Variants in ZC3H12B observed in about 807,000 individuals in gnomAD.
ZC3H12B encodes the protein probable ribonuclease ZC3H12B.
A neutral mutation model predicts 43.9 loss-of-function variants in ZC3H12B; 7 were observed. The observed-to-expected ratio is 0.16, with a 90% confidence interval of 0.09 to 0.30. The LOEUF (loss-of-function observed/expected upper bound fraction) is 0.30. Ranked by LOEUF, ZC3H12B falls within the 10% of genes least tolerant of loss-of-function variation. ZC3H12B has a pLI of 1.00. For synonymous variants in ZC3H12B, 222 were observed against 241.7 expected, an observed-to-expected ratio of 0.92 and a Z score of 0.76; for missense variants, 475 against 670.2, an observed-to-expected ratio of 0.71 and a Z score of 3.22.
chrX:65,078,276 G>A, the ZC3H12B span, among the ~76,000 whole-genome samples: 754 of 112,287 alleles, frequency 6.7e-3, 9 homozygotes, highest in African/African-American at 0.023. Flanking sequence ...AAATTTAGAA[G>A]TAATCAGATT....
the ZC3H12B span, among the ~76,000 whole-genome samples, chrX:65,144,527 T>C: frequency 9.0e-6 from 1 of 111,720 alleles, no homozygotes; most frequent in Non-Finnish European, 1.9e-5. Flanking sequence ...GTTTGGTGTG[T>C]TCTTGTTTCT....
At chrX:65,343,685 T>C in the ZC3H12B span, among the ~76,000 whole-genome samples, 2 of 111,970 alleles carry the variant, frequency 1.8e-5, no homozygotes, top group Admixed American at 9.5e-5. Context: ...ATGAAAATAA[T>C]GAGCCATTTA....
intron 1 of ZC3H12B, among the ~76,000 whole-genome samples, chrX:65,493,996 G>A (rs1327867107): frequency 1.8e-5 from 2 of 110,747 alleles, no homozygotes; most frequent in Non-Finnish European, 3.8e-5. Flanking sequence ...TTGGGCATTT[G>A]GTGTGCCTCA....
chrX:65,264,090 A>T, the ZC3H12B span, among the ~76,000 whole-genome samples: 1 of 111,537 alleles, frequency 9.0e-6, no homozygotes, highest in African/African-American at 3.2e-5. Flanking sequence ...GTCACTTATA[A>T]ATGGGAGCTA....
chrX:65,341,616 C>G, the ZC3H12B span, among the ~76,000 whole-genome samples: 1 of 110,997 alleles, frequency 9.0e-6, no homozygotes, highest in Non-Finnish European at 1.9e-5. Flanking sequence ...AACTAAACTT[C>G]ATAAGCAAAG....
the ZC3H12B span, among the ~76,000 whole-genome samples, chrX:65,121,004 T>C: frequency 1.8e-5 from 2 of 111,423 alleles, no homozygotes; most frequent in Non-Finnish European, 3.8e-5. Flanking sequence ...TGAAGCCCAC[T>C]TGATCATGGT....
chrX:65,211,680 T>C, the ZC3H12B span, among the ~76,000 whole-genome samples: 1 of 89,421 alleles, frequency 1.1e-5, no homozygotes, highest in African/African-American at 4.1e-5. Context: ...ATTATATAAT[T>C]ATATATATAA....
the ZC3H12B span, among the ~76,000 whole-genome samples, chrX:65,355,784 G>A: frequency 1.8e-5 from 2 of 110,983 alleles, no homozygotes; most frequent in African/African-American, 6.6e-5. Context: ...GTGAAACCCT[G>A]TCTCTACTAA....
At chrX:65,501,524 G>C (rs1382690342) in intron 4 of ZC3H12B, among the ~76,000 whole-genome samples, 1 of 111,059 alleles carries the variant, frequency 9.0e-6, no homozygotes, top group Non-Finnish European at 1.9e-5. Context: ...CAAACTGCTG[G>C]GACTACAGAC....
chrX:65,157,724 G>T, the ZC3H12B span, among the ~76,000 whole-genome samples: 1 of 109,172 alleles, frequency 9.2e-6, no homozygotes, highest in East Asian at 2.8e-4. Context: ...CATCTTATTT[G>T]GGAATTTCTC....
chrX:65,216,237 G>T, the ZC3H12B span, among the ~76,000 whole-genome samples: 2 of 111,837 alleles, frequency 1.8e-5, no homozygotes, highest in African/African-American at 6.5e-5. Context: ...GGGTAGGAAG[G>T]ACAGTTTTAC....
At chrX:65,152,441 G>C in the ZC3H12B span, among the ~76,000 whole-genome samples, 12 of 111,208 alleles carry the variant, frequency 1.1e-4, no homozygotes, top group African/African-American at 3.3e-4. Flanking sequence ...ACCAATAACA[G>C]ACAGAGAGCC....
intron 2 of ZC3H12B, among the ~76,000 whole-genome samples, chrX:65,386,131 C>G (rs1054065179): frequency 8.9e-6 from 1 of 111,818 alleles, no homozygotes; most frequent in African/African-American, 3.3e-5. Context: ...CTCTGCCAGA[C>G]TTTGGTAATC....
chrX:65,477,075 C>T (rs903289455), intron 3 of ZC3H12B, among the ~76,000 whole-genome samples: 2 of 106,755 alleles, frequency 1.9e-5, no homozygotes, highest in Non-Finnish European at 3.8e-5. Flanking sequence ...CTCAAATGAC[C>T]TGCCAGCTTC....
the ZC3H12B span, among the ~76,000 whole-genome samples, chrX:65,358,729 C>G: frequency 9.0e-6 from 1 of 111,310 alleles, no homozygotes; most frequent in South Asian, 3.9e-4. Context: ...CAAGAGAAAG[C>G]AGGAAATATC....
At chrX:65,127,262 C>A in the ZC3H12B span, among the ~76,000 whole-genome samples, 1 of 111,787 alleles carries the variant, frequency 8.9e-6, no homozygotes, top group Non-Finnish European at 1.9e-5. Context: ...GTAGTGATTG[C>A]TTTTGCTCTT....
chrX:65,152,313 G>T, the ZC3H12B span, among the ~76,000 whole-genome samples: 2 of 111,620 alleles, frequency 1.8e-5, no homozygotes, highest in African/African-American at 6.5e-5. Flanking sequence ...CAGATGACAT[G>T]ATTGTATATC....
chrX:65,274,420 T>C, the ZC3H12B span, among the ~76,000 whole-genome samples: 2 of 110,349 alleles, frequency 1.8e-5, no homozygotes, highest in African/African-American at 3.3e-5. Flanking sequence ...AGGCTCCATC[T>C]TTATTACTCC....
the ZC3H12B span, among the ~76,000 whole-genome samples, chrX:65,276,055 A>G: frequency 9.0e-6 from 1 of 111,162 alleles, no homozygotes; most frequent in East Asian, 2.8e-4. Context: ...AGTAACAAAT[A>G]CAGTTAAGAG....
Sources: gnomAD v4.1 joint callset for allele counts (sites outside exome capture counted in the v4.1 genomes callset) on GRCh38, gnomAD v4.1.1 for gene constraint, MANE v1.5 for transcripts, NCBI Gene and HGNC (gene_info 2026-07-23, HGNC 2026-07-21) for gene names.